The following PTPRN2 variants were observed in gnomAD, a reference collection of about 807,000 sequenced individuals.
PTPRN2 encodes receptor-type tyrosine-protein phosphatase N2.
A neutral mutation model predicts 118.8 loss-of-function variants in PTPRN2; 74 were observed. That is an observed-to-expected ratio of 0.62 (90% CI 0.52 to 0.76). The LOEUF (loss-of-function observed/expected upper bound fraction) is 0.76. Among genes scored for constraint, PTPRN2 ranks in the 30% least tolerant of loss-of-function variants. PTPRN2 has a pLI of 0.00. For synonymous variants in PTPRN2, 641 were observed against 608.0 expected (o/e 1.05, Z -0.80); for missense variants, 1,481 against 1,394.4 (o/e 1.06, Z -0.99).
rs190806483 is a variant in PTPRN2, at chr7:158,430,845, G to A, written c.163+58890C>T. On this transcript the variant is annotated intron_variant, in intron 2 of 22. Transcript: ENST00000389418. ...GGAGTGAAAACAGCAGTGAGGAAGG[G>A]GGAAGAGCCCCCCACACTCTCAGAA... 2.8e-3 allele frequency among the ~76,000 whole-genome samples: 427 copies of A among 152,352 alleles called. 1 individual carries two copies. Among genetic ancestry groups the A allele is most frequent in the African/African-American group, 9.3e-3 (386 of 41,584 alleles).
At chr7:157,630,519 C>A (rs529028247) in intron 14 of PTPRN2, among the ~76,000 whole-genome samples, 2 of 152,180 alleles carry the variant, frequency 1.3e-5, no homozygotes, top group Admixed American at 1.3e-4. Context: ...GTGCCCGTCA[C>A]GGCAGCACCT....
intron 11 of PTPRN2, among the ~76,000 whole-genome samples, chr7:157,922,569 A>G (rs755542688): frequency 4.4e-4 from 59 of 134,882 alleles, no homozygotes; most frequent in Non-Finnish European, 8.2e-4. Context: ...AACAAGATAA[A>G]TGTTCTCTTT....
chr7:158,093,904 C>A lies in PTPRN2; in HGVS notation c.1644-12527G>T, dbSNP rs1814416598. 6.6e-6 allele frequency among the ~76,000 whole-genome samples: 1 copy of A among 152,132 alleles called. No homozygotes were observed. Among genetic ancestry groups the A allele is most frequent in the Admixed American group, 6.5e-5 (1 of 15,270 alleles). Reference sequence around the variant, plus strand: ...GCAAGATAATTTAACATCATGCAAGCCTTAATGAAAACATAATTATTAATG... The same window carrying A: ...GCAAGATAATTTAACATCATGCAAGACTTAATGAAAACATAATTATTAATG... On this transcript the variant is annotated intron_variant, in intron 10 of 22. Transcript: ENST00000389418. This position sits in a 1 kb window ranked among gnomAD's most constrained non-coding sequence, Gnocchi z 4.4.
chr7:158,586,741 G>C (rs1183372290), intron 1 of PTPRN2, among the ~76,000 whole-genome samples: 1 of 152,228 alleles, frequency 6.6e-6, no homozygotes, highest in South Asian at 2.1e-4. Context: ...CTCTGATTTC[G>C]GCGGCGCTGC....
In PTPRN2 at chr7:157,780,586, C is replaced by T. The variant is rs112585537; in HGVS notation, c.1789-97649G>A. ...GCTGGCTTCCAGTACTGGCTCTGCA[C>T]GCCTTCACCGTGAGAGGCCCCTGGA... On this transcript the variant is annotated intron_variant, in intron 12 of 22. Coordinates refer to ENST00000389418, the MANE Select transcript of PTPRN2 (RefSeq NM_002847.5). The surrounding 1 kb of genome is among the most constrained non-coding windows in gnomAD (Gnocchi z 4.5). Among the ~76,000 whole-genome samples, 220 of 152,320 alleles carry T rather than the reference C, an allele frequency of 1.4e-3. 1 individual carries two copies. Among genetic ancestry groups the T allele is most frequent in the African/African-American group, 5.1e-3 (210 of 41,568 alleles).
intron 2 of PTPRN2, among the ~76,000 whole-genome samples, chr7:158,395,067 C>A (rs1259453213): frequency 6.6e-6 from 1 of 152,132 alleles, no homozygotes; most frequent in South Asian, 2.1e-4. Flanking sequence ...TTGCCAAGCA[C>A]GAGGGACAGT....
At position 157,772,174 on chromosome 7, in the gene PTPRN2, C is replaced by T. The variant is rs374077599; in HGVS notation, c.1789-89237G>A. On this transcript the variant is annotated intron_variant, in intron 12 of 22. Coordinates refer to ENST00000389418, the MANE Select transcript of PTPRN2 (RefSeq NM_002847.5). ...ACACAAACACACACACAGGCACAGACATACACAGACACAGACACACATACA... is the reference window on the plus strand; with the variant it reads ...ACACAAACACACACACAGGCACAGATATACACAGACACAGACACACATACA... Among the ~76,000 whole-genome samples, 729 of 151,298 alleles carry T rather than the reference C, an allele frequency of 4.8e-3. 7 individuals carry two copies. The highest frequency in any genetic ancestry group is 0.017 in the African/African-American group (707 of 41,184).
At chr7:157,871,801 C>T (rs1584919996) in intron 12 of PTPRN2, among the ~76,000 whole-genome samples, 1 of 151,132 alleles carries the variant, frequency 6.6e-6, no homozygotes. Context: ...ACCTACACAC[C>T]CACACACCCA....
rs1804538503 is a variant in PTPRN2, at chr7:157,792,040, T to C, written c.1788+106633A>G. ...TTGCCCGGAGAGCCTGTCCTTCCCC[T>C]CTGGGGGTCACACTGCCAGTTTGTC... is the stretch of plus-strand genomic sequence containing the variant. On this transcript the variant is annotated intron_variant, in intron 12 of 22. Coordinates refer to ENST00000389418, the MANE Select transcript of PTPRN2 (RefSeq NM_002847.5). Among the ~76,000 whole-genome samples the C allele has an allele frequency of 4.6e-5, 7 of 152,230 alleles. No individual in the cohort carries two copies. In the South Asian group the frequency reaches 1.4e-3, roughly 32 times the overall value.
At chr7:157,949,021 T>G (rs1231446902) in intron 11 of PTPRN2, among the ~76,000 whole-genome samples, 1 of 152,198 alleles carries the variant, frequency 6.6e-6, no homozygotes, top group African/African-American at 2.4e-5. Context: ...TATGCGTGAA[T>G]TTTGGTACAC....
intron 12 of PTPRN2, among the ~76,000 whole-genome samples, chr7:157,685,929 C>G (rs1012087719): frequency 1.4e-4 from 21 of 152,262 alleles, no homozygotes; most frequent in African/African-American, 5.1e-4. Flanking sequence ...TGGGAGCCGC[C>G]CCAGGCCCAC....
chr7:157,778,535 G>A (rs898327732), intron 12 of PTPRN2, among the ~76,000 whole-genome samples: 2 of 151,544 alleles, frequency 1.3e-5, no homozygotes, highest in African/African-American at 4.9e-5. Flanking sequence ...ACATGTACAT[G>A]TGAATACAGG....
chr7:157,559,896 C>T (rs899973803), intron 21 of PTPRN2, among the ~76,000 whole-genome samples: 2 of 152,122 alleles, frequency 1.3e-5, no homozygotes, highest in Non-Finnish European at 2.9e-5. Flanking sequence ...CCAGCTCCCT[C>T]GCTGTGGCCT....
chr7:157,606,601 G>C (rs1802016516), intron 15 of PTPRN2, among the ~76,000 whole-genome samples: 1 of 152,240 alleles, frequency 6.6e-6, no homozygotes, highest in African/African-American at 2.4e-5. Context: ...TCGGAGGCCA[G>C]TGCTTGGTGG....
chr7:157,736,786 T>C (rs902036241), intron 12 of PTPRN2, among the ~76,000 whole-genome samples: 20 of 152,168 alleles, frequency 1.3e-4, no homozygotes, highest in African/African-American at 4.8e-4. Context: ...GGCGCTCACC[T>C]ACATCTTACA....
chr7:158,395,104 G>A (rs985926979), intron 2 of PTPRN2, among the ~76,000 whole-genome samples: 6 of 152,114 alleles, frequency 3.9e-5, no homozygotes, highest in African/African-American at 1.4e-4. Flanking sequence ...CCGCCAGCCT[G>A]AGTAAGTAGC....
At chr7:158,369,249 T>TTAAATATA (rs1554481401) in intron 2 of PTPRN2, among the ~76,000 whole-genome samples, 1 of 143,960 alleles carries the variant, frequency 6.9e-6, no homozygotes, top group African/African-American at 2.6e-5. Flanking sequence ...AAACTCCCCT[T>TTAAATATA]TATATATATA....
At chr7:158,112,899 G>A (rs1051202447) in intron 9 of PTPRN2, among the ~76,000 whole-genome samples, 1 of 152,116 alleles carries the variant, frequency 6.6e-6, no homozygotes, top group South Asian at 2.1e-4. Flanking sequence ...CATCATGAAT[G>A]CCGAGACCGG....
chr7:157,750,103 A>T (rs1801372271), intron 12 of PTPRN2, among the ~76,000 whole-genome samples: 1 of 151,954 alleles, frequency 6.6e-6, no homozygotes, highest in South Asian at 2.1e-4. Flanking sequence ...TCTGCTTGGC[A>T]TGCATACTCA....
Sources: gnomAD v4.1 joint callset for allele counts (sites outside exome capture counted in the v4.1 genomes callset) on GRCh38, gnomAD v4.1.1 for gene constraint, Gnocchi (gnomAD v3.1) non-coding constraint, MANE v1.5 for transcripts, NCBI Gene and HGNC (gene_info 2026-07-23, HGNC 2026-07-21) for gene names.